The following EFCC1 variants were observed in gnomAD, a reference collection of about 807,000 sequenced individuals.
EFCC1 encodes the protein EF-hand and coiled-coil domain-containing protein 1.
Under a neutral mutation model 52.1 loss-of-function variants are expected in EFCC1, and 50 were observed. The ratio of observed to expected loss-of-function variants is 0.96; its 90% CI spans 0.76 to 1.21. The LOEUF (loss-of-function observed/expected upper bound fraction) is 1.21, where lower values mean the gene tolerates loss of function less well. EFCC1 is among the 50% of genes most tolerant of loss of function. The pLI is 0.00. For synonymous variants in EFCC1, 399 were observed against 396.5 expected, an observed-to-expected ratio of 1.01 and a Z score of -0.08; for missense variants, 837 against 867.3, an observed-to-expected ratio of 0.97 and a Z score of 0.44.
In EFCC1 at chr3:129,003,962, C is replaced by G; in HGVS notation, c.865C>G (p.Arg289Gly). 3 of 1,446,506 alleles carry G rather than the reference C, an allele frequency of 2.1e-6. No homozygotes were observed. Among genetic ancestry groups the G allele is most frequent in the East Asian group, 3.0e-5 (1 of 32,910 alleles). The allele number at this position is 1,446,506 out of a possible 1,614,324, so 89.6% of individuals were successfully genotyped here. ...AEVRRRAEEA[R>G]QVVLRSLHRV... ...GGTGCGGCGGCGCGCGGAGGAGGCC[C>G]GGCAGGTGGTGCTGCGCAGCCTGCA... Residue 289 changes from arginine (R) to glycine (G), a missense_variant, in exon 2 of 8, where the codon CGG becomes GGG. Coordinates refer to ENST00000683648, the MANE Select transcript of EFCC1 (RefSeq NM_001377500.1).
intron 2 of EFCC1, among the ~76,000 whole-genome samples, chr3:129,016,601 C>T (rs376600345): frequency 5.3e-5 from 8 of 152,112 alleles, no homozygotes; most frequent in African/African-American, 1.2e-4. Context: ...AGCCAGCCCC[C>T]GTGATCACAC....
intron 2 of EFCC1, among the ~76,000 whole-genome samples, chr3:129,004,515 C>G (rs1350630232): frequency 1.0e-4 from 14 of 138,934 alleles, no homozygotes; most frequent in African/African-American, 3.4e-4. Flanking sequence ...ACCCACCCAT[C>G]CATCATCCAT....
intron 2 of EFCC1, among the ~76,000 whole-genome samples, chr3:129,008,166 T>C (rs1056610519): frequency 1.3e-5 from 2 of 152,228 alleles, no homozygotes; most frequent in Admixed American, 6.5e-5. Flanking sequence ...GCTGCACAGG[T>C]AGTGAGAGAT....
At chr3:129,023,936 G>T (rs1945980477) in intron 2 of EFCC1, among the ~76,000 whole-genome samples, 1 of 152,134 alleles carries the variant, frequency 6.6e-6, no homozygotes, top group Non-Finnish European at 1.5e-5. Context: ...GTCCTTTCTG[G>T]AACAATCCAA....
At chr3:129,036,828 A>T in intron 5 of EFCC1, 149 bp from the exon 6 acceptor site, 1 of 1,086,190 alleles carries the variant, frequency 9.2e-7, no homozygotes, top group Non-Finnish European at 1.3e-6. Flanking sequence ...CAACTCTTAC[A>T]TCAGTCCAAC....
At chr3:129,027,773 T>C (rs1398006410) in intron 2 of EFCC1, among the ~76,000 whole-genome samples, 1 of 151,908 alleles carries the variant, frequency 6.6e-6, no homozygotes, top group East Asian at 1.9e-4. Context: ...CTGGGCAACA[T>C]GGAAACCTCG....
chr3:129,032,701 C>G (rs1267319702), intron 3 of EFCC1, 118 bp from the exon 4 acceptor site: 2 of 1,415,294 alleles, frequency 1.4e-6, no homozygotes, highest in Middle Eastern at 2.6e-4. Context: ...GTGGCTGTCT[C>G]AAGAGGGGAC....
chr3:129,009,194 CCTTT>C (rs1271873741), intron 2 of EFCC1, among the ~76,000 whole-genome samples: 1 of 152,168 alleles, frequency 6.6e-6, no homozygotes, highest in Non-Finnish European at 1.5e-5. Context: ...CTCTTTTCTT[CCTTT>C]CTATCATCCA....
At chr3:129,019,764 CTTT>C (rs760118112) in intron 2 of EFCC1, among the ~76,000 whole-genome samples, 2 of 107,424 alleles carry the variant, frequency 1.9e-5, no homozygotes, top group South Asian at 3.2e-4. Context: ...ATTAAATTTA[CTTT>C]TTTTTTTTTT....
intron 2 of EFCC1, among the ~76,000 whole-genome samples, chr3:129,025,999 A>C (rs1946090539): frequency 6.6e-6 from 1 of 151,976 alleles, no homozygotes; most frequent in Admixed American, 6.6e-5. Flanking sequence ...TGCAGACCCC[A>C]CCTCTCCCGC....
At chr3:129,023,309 T>TC (rs1945943615) in intron 2 of EFCC1, among the ~76,000 whole-genome samples, 3 of 137,218 alleles carry the variant, frequency 2.2e-5, no homozygotes, top group African/African-American at 8.2e-5. Context: ...GCCTCTTGCT[T>TC]CTTTTTTTTT....
At chr3:129,023,957 A>C (rs573401380) in intron 2 of EFCC1, among the ~76,000 whole-genome samples, 1 of 152,294 alleles carries the variant, frequency 6.6e-6, no homozygotes, top group South Asian at 2.1e-4. Context: ...GAGCAGGTGA[A>C]TAGGTGATAG....
chr3:129,027,937 G>A (rs1946173630), intron 2 of EFCC1, among the ~76,000 whole-genome samples: 2 of 151,734 alleles, frequency 1.3e-5, no homozygotes, highest in African/African-American at 2.4e-5. Flanking sequence ...CTGAGTGACA[G>A]AGCAGGACTC....
chr3:129,020,120 CAGGCCAGATTAAA>C (rs1262210651), intron 2 of EFCC1, among the ~76,000 whole-genome samples: 3 of 152,128 alleles, frequency 2.0e-5, no homozygotes, highest in Admixed American at 1.3e-4. Context: ...TTGGACGATG[CAGGCCAGATTAAA>C]ACACTAGGAC....
intron 2 of EFCC1, among the ~76,000 whole-genome samples, chr3:129,027,419 G>C (rs1335470954): frequency 6.6e-6 from 1 of 152,160 alleles, no homozygotes; most frequent in South Asian, 2.1e-4. Context: ...GACGGAGCCC[G>C]GGCCGGGAGC....
At chr3:129,037,289 G>A (rs1946370086) in intron 6 of EFCC1, among the ~76,000 whole-genome samples, 172 bp downstream of exon 6, 1 of 152,212 alleles carries the variant, frequency 6.6e-6, no homozygotes, top group African/African-American at 2.4e-5. Context: ...ATAGGGTTGG[G>A]GGGCTCCCCA....
chr3:129,005,701 T>C (rs527705521), intron 2 of EFCC1, among the ~76,000 whole-genome samples: 1 of 152,318 alleles, frequency 6.6e-6, no homozygotes, highest in East Asian at 1.9e-4. Flanking sequence ...AGGGGTGGCC[T>C]TGAACCTACT....
rs1378990674 is a variant in EFCC1 at position 129,003,972 on chromosome 3, TG to T, written c.876del (p.Leu293CysfsTer46). 6.8e-7 allele frequency: 1 copy of T among 1,472,464 alleles called. No homozygotes were observed. The highest frequency in any genetic ancestry group is 3.0e-5 in the East Asian group (1 of 33,598). 91.2% of individuals were successfully genotyped at this position (1,472,464 alleles called of 1,614,324 possible). On this transcript the variant is annotated frameshift_variant, in exon 2 of 8. Transcript: ENST00000683648. LOFTEE classifies it high-confidence loss of function. ...RRRAEEARQVVLRSLHRVREL... is the reference protein window; with the variant it reads ...RRRAEEARQVXLRSLHRVREL... ...CGCGCGGAGGAGGCCCGGCAGGTGGTGCTGCGCAGCCTGCACCGCGTGCGAG... is the reference window on the plus strand; with the variant it reads ...CGCGCGGAGGAGGCCCGGCAGGTGGTCTGCGCAGCCTGCACCGCGTGCGAG...
Position 129,038,900 on chromosome 3 carries a change from G to A in EFCC1, c.1663G>A (p.Glu555Lys), listed in dbSNP as rs1317165657. 5.0e-6 allele frequency: 8 copies of A among 1,613,820 alleles called. No individual in the cohort carries two copies. Among genetic ancestry groups the A allele is most frequent in the Non-Finnish European group, 5.1e-6 (6 of 1,179,944 alleles). ...TLDAFRDPTH[E>K]GRPSPAAILD... is the part of the protein sequence containing the mutation. ...GGACGCTTTCAGGGACCCCACCCACGGTAGGAGAGCACCCTAGTCTCTCAG... is the reference window on the plus strand; with the variant it reads ...GGACGCTTTCAGGGACCCCACCCACAGTAGGAGAGCACCCTAGTCTCTCAG... Residue 555 changes from glutamate (E) to lysine (K), a missense_variant and splice_region_variant, in exon 7 of 8, where the codon GAG (glutamate) becomes AAG (lysine). Coordinates refer to ENST00000683648, the MANE Select transcript of EFCC1 (RefSeq NM_001377500.1).
Sources: allele counts gnomAD v4.1 joint callset (sites outside exome capture counted in the v4.1 genomes callset), GRCh38; gene constraint gnomAD v4.1.1; transcripts MANE v1.5; gene names NCBI Gene and HGNC (gene_info 2026-07-23, HGNC 2026-07-21).